Variants in CREB5 observed in about 807,000 individuals in gnomAD.
The protein encoded by CREB5 is cAMP responsive element binding protein 5.
In CREB5, 19 loss-of-function variants were observed where a neutral mutation model predicts 57.1. The observed-to-expected ratio is 0.33, with a 90% CI of 0.23 to 0.49. The LOEUF (loss-of-function observed/expected upper bound fraction) is 0.49. Among genes scored for constraint, CREB5 ranks in the 20% least tolerant of loss-of-function variants. The probability of loss-of-function intolerance (pLI) is 0.99; values close to 1 mark genes in which losing one functional copy is unlikely to be tolerated. For missense variants in CREB5, 579 were observed against 671.6 expected (o/e 0.86, Z 1.52); for synonymous variants, 238 against 238.3 (o/e 1.00, Z 0.01).
chr7:28,540,144 C>T (rs1794150485), intron 4 of CREB5, among the ~76,000 whole-genome samples: 1 of 152,126 alleles, frequency 6.6e-6, no homozygotes, highest in Non-Finnish European at 1.5e-5. Context: ...TAATATCGAC[C>T]ACCTGGTCTT....
intron 5 of CREB5, among the ~76,000 whole-genome samples, chr7:28,574,578 GA>G (rs1379822628): frequency 1.4e-4 from 21 of 152,346 alleles, no homozygotes; most frequent in Non-Finnish European, 1.3e-4. Flanking sequence ...GGAGAGCAAT[GA>G]AGATAATATG....
At chr7:28,486,725 T>C (rs1311614485) in intron 1 of CREB5, among the ~76,000 whole-genome samples, 2 of 142,044 alleles carry the variant, frequency 1.4e-5, no homozygotes, top group Non-Finnish European at 3.1e-5. Flanking sequence ...CACAAAACCA[T>C]GTATGCTATA....
At chr7:28,320,960 G>C (rs752943160) in intron 1 of CREB5, among the ~76,000 whole-genome samples, 1 of 152,152 alleles carries the variant, frequency 6.6e-6, no homozygotes, top group Non-Finnish European at 1.5e-5. Flanking sequence ...ACACGGACTC[G>C]GGAGCAAGAT....
At chr7:28,788,890 G>A (rs1583747800) in intron 7 of CREB5, among the ~76,000 whole-genome samples, 4 of 151,072 alleles carry the variant, frequency 2.6e-5, no homozygotes, top group South Asian at 4.2e-4. Flanking sequence ...CACAGCCCAC[G>A]CTGTACATCA....
At chr7:28,638,757 C>A (rs141995397) in intron 5 of CREB5, among the ~76,000 whole-genome samples, 1 of 152,140 alleles carries the variant, frequency 6.6e-6, no homozygotes, top group Non-Finnish European at 1.5e-5. Context: ...GAAATTAGTT[C>A]ATTTTATATA....
At chr7:28,568,543 C>T (rs1795570865) in intron 4 of CREB5, among the ~76,000 whole-genome samples, 1 of 152,212 alleles carries the variant, frequency 6.6e-6, no homozygotes, top group Non-Finnish European at 1.5e-5. Context: ...AAGTGTGTTC[C>T]TGCACTGCCA....
intron 5 of CREB5, among the ~76,000 whole-genome samples, chr7:28,667,175 G>A (rs1484057478): frequency 1.3e-5 from 2 of 151,760 alleles, no homozygotes; most frequent in African/African-American, 2.4e-5. Flanking sequence ...GTTCTCAGAT[G>A]CATGCTGTCC....
Position 28,822,153 on chromosome 7 carries a change from ATATAAT to A in CREB5, c.*2877_*2882del, listed in dbSNP as rs1346056523. On this transcript the variant is annotated 3_prime_UTR_variant, in exon 11 of 11. Coordinates refer to ENST00000357727, the MANE Select transcript of CREB5 (RefSeq NM_182898.4). The stretch of plus-strand genomic sequence containing the variant: ...CACACATTAGCAAACCGGCCTCAAC[ATATAAT>A]TAGAATAAACTGTCTTCTTGTTCTA... 2.6e-5 allele frequency: 4 copies of A among 152,234 alleles called. No individual in the cohort carries two copies. The highest frequency in any genetic ancestry group is 2.1e-4 in the South Asian group (1 of 4,834). 9.4% of individuals were successfully genotyped at this position (152,234 alleles called of 1,614,324 possible).
At chr7:28,574,356 G>C (rs1795824385) in intron 5 of CREB5, among the ~76,000 whole-genome samples, 1 of 152,186 alleles carries the variant, frequency 6.6e-6, no homozygotes, top group South Asian at 2.1e-4. Flanking sequence ...AGTCAGCAAA[G>C]CCTGGGAAAA....
Position 28,825,177 on chromosome 7 carries a change from G to A in CREB5, c.*5898G>A, listed in dbSNP as rs1809992459. ...TACCAATGCCACAGACACTACAGGA[G>A]ATAATGAAAGGTATCAGTTGTGTTG... is the stretch of plus-strand genomic sequence containing the variant. On this transcript the variant is annotated 3_prime_UTR_variant, in exon 11 of 11. Coordinates refer to ENST00000357727, the MANE Select transcript of CREB5 (RefSeq NM_182898.4). The A allele has an allele frequency of 6.6e-6, 1 of 152,616 alleles. No homozygotes were observed. The highest frequency in any genetic ancestry group is 2.4e-5 in the African/African-American group (1 of 41,454). 9.5% of individuals were successfully genotyped at this position (152,616 alleles called of 1,614,324 possible). A position where few individuals can be genotyped will look rare whatever the true frequency, so the allele number is the denominator to read the frequency against.
rs1016808422 is a variant in CREB5 at position 28,824,477 on chromosome 7, A to G, written c.*5198A>G. 2.0e-5 allele frequency: 3 copies of G among 152,592 alleles called. No homozygotes were observed. Among genetic ancestry groups the G allele is most frequent in the Non-Finnish European group, 4.4e-5 (3 of 68,030 alleles). The allele number at this position is 152,592 out of a possible 1,614,324, so 9.5% of individuals were successfully genotyped here. On this transcript the variant is annotated 3_prime_UTR_variant, in exon 11 of 11. Coordinates refer to ENST00000357727, the MANE Select transcript of CREB5 (RefSeq NM_182898.4). Reference sequence around the variant, plus strand: ...TTCATTCCTAGGTCTCAAAAATACAATGTTGCCTTGTAACATAATTAGGGA... The same window carrying G: ...TTCATTCCTAGGTCTCAAAAATACAGTGTTGCCTTGTAACATAATTAGGGA...
rs557874793 is a variant in CREB5, at chr7:28,487,958, C to G, written c.4-217C>G. The stretch of plus-strand genomic sequence containing the variant: ...TTCTTCCAAGTACAGTCAGTATGCA[C>G]TCGAGTAAAGGACAGTAGGAGCCCA... On this transcript the variant is annotated intron_variant, in intron 1 of 10. Transcript: ENST00000357727. 5.0e-4 allele frequency among the ~76,000 whole-genome samples: 76 copies of G among 152,160 alleles called. 1 individual carries two copies. Among genetic ancestry groups the G allele is most frequent in the Non-Finnish European group, 9.1e-4 (62 of 68,028 alleles).
chr7:28,492,258 C>G (rs1356901827), intron 2 of CREB5, among the ~76,000 whole-genome samples: 1 of 152,160 alleles, frequency 6.6e-6, no homozygotes, highest in African/African-American at 2.4e-5. Flanking sequence ...CCTCGGCTTC[C>G]CAAAGTGCTG....
intron 4 of CREB5, among the ~76,000 whole-genome samples, chr7:28,546,363 A>G (rs931694896): frequency 1.3e-5 from 2 of 152,140 alleles, no homozygotes; most frequent in African/African-American, 4.8e-5. Context: ...CTGTGTACAC[A>G]TTTTTGTATG....
intron 5 of CREB5, among the ~76,000 whole-genome samples, chr7:28,609,525 C>G (rs771191060): frequency 2.0e-5 from 3 of 152,190 alleles, no homozygotes; most frequent in Non-Finnish European, 2.9e-5. Flanking sequence ...AATCCTCTTG[C>G]ATGTATTTTT....
At chr7:28,445,337 A>G (rs17156694) in intron 1 of CREB5, among the ~76,000 whole-genome samples, 22,258 of 152,114 alleles carry the variant, frequency 0.15, 2,551 homozygotes, top group East Asian at 0.57. Context: ...TTATTTTTAG[A>G]TGTTCCAACA....
chr7:28,643,820 C>G (rs1459472171), intron 5 of CREB5, among the ~76,000 whole-genome samples: 1 of 151,366 alleles, frequency 6.6e-6, no homozygotes, highest in Non-Finnish European at 1.5e-5. Flanking sequence ...TGGCTCATGC[C>G]TGGAATTCCA....
chr7:28,391,552 C>G (rs1787216209), intron 1 of CREB5, among the ~76,000 whole-genome samples: 1 of 152,246 alleles, frequency 6.6e-6, no homozygotes. Flanking sequence ...AAGAATTGCT[C>G]TGTGCCACCA....
intron 5 of CREB5, among the ~76,000 whole-genome samples, chr7:28,689,114 T>C (rs1219337043): frequency 6.6e-6 from 1 of 152,150 alleles, no homozygotes; most frequent in Non-Finnish European, 1.5e-5. Flanking sequence ...TGGTTTTTGT[T>C]TTGATTTTTG....
Sources: gnomAD v4.1 joint callset for allele counts (sites outside exome capture counted in the v4.1 genomes callset) on GRCh38, gnomAD v4.1.1 for gene constraint, MANE v1.5 for transcripts, NCBI Gene and HGNC (gene_info 2026-07-23, HGNC 2026-07-21) for gene names.